HNRNPA2B1: variants seen among roughly 807,000 people sequenced by gnomAD.
The protein encoded by HNRNPA2B1 is heterogeneous nuclear ribonucleoprotein A2/B1, also known as heterogeneous nuclear ribonucleoproteins A2/B1.
HNRNPA2B1 carries 3 observed loss-of-function variants against 46.3 expected under a neutral mutation model. That is an observed-to-expected ratio of 0.06 (90% CI 0.03 to 0.17). The LOEUF (loss-of-function observed/expected upper bound fraction) is 0.17. HNRNPA2B1 is among the 10% of genes least tolerant of loss of function. The probability of loss-of-function intolerance (pLI) is 1.00; values close to 1 mark genes in which losing one functional copy is unlikely to be tolerated. For synonymous variants in HNRNPA2B1, 225 were observed against 133.8 expected, an observed-to-expected ratio of 1.68 and a Z score of -4.70; for missense variants, 221 against 418.9, an observed-to-expected ratio of 0.53 and a Z score of 4.12.
intron 6 of HNRNPA2B1, 103 bp from the exon 7 acceptor site, chr7:26,196,012 C>A: frequency 1.4e-6 from 2 of 1,442,206 alleles, no homozygotes; most frequent in Non-Finnish European, 1.8e-6. Flanking sequence ...TAATTAAGAA[C>A]CGCAGAAAAG....
chr7:26,190,928 T>C lies in HNRNPA2B1; in HGVS notation c.*1432A>G, dbSNP rs1056432862. 1 of 152,612 alleles carries C rather than the reference T, an allele frequency of 6.6e-6. No homozygotes were observed. Among genetic ancestry groups the C allele is most frequent in the Non-Finnish European group, 1.5e-5 (1 of 68,012 alleles). The allele number at this position is 152,612 out of a possible 1,614,324, so 9.5% of individuals were successfully genotyped here. ...AAATGTTTGATCCAAGAAATGTGAATACACAAGGGTGTAACGATGGGAAAT... is the reference window on the plus strand; with the variant it reads ...AAATGTTTGATCCAAGAAATGTGAACACACAAGGGTGTAACGATGGGAAAT... On this transcript the variant is annotated 3_prime_UTR_variant, in exon 11 of 11. Coordinates refer to ENST00000618183, the MANE Select transcript of HNRNPA2B1 (RefSeq NM_002137.4).
chr7:26,195,990 A>T, intron 6 of HNRNPA2B1, 81 bp from the exon 7 acceptor site: 1 of 1,503,504 alleles, frequency 6.7e-7, no homozygotes, highest in Non-Finnish European at 8.9e-7. Flanking sequence ...TTCTCTTACT[A>T]CCTCAGCACA....
intron 1 of HNRNPA2B1, chr7:26,198,457 T>C (rs1584002004): frequency 1.3e-5 from 2 of 152,490 alleles, no homozygotes; most frequent in Non-Finnish European, 2.9e-5. Flanking sequence ...TGGACATGTC[T>C]ATATTTGATA....
At chr7:26,195,136 A>AG (rs1783407450) in intron 7 of HNRNPA2B1, among the ~76,000 whole-genome samples, 1 of 150,384 alleles carries the variant, frequency 6.6e-6, no homozygotes, top group African/African-American at 2.4e-5. Flanking sequence ...AAAAAAAAAA[A>AG]GCTTGTGGGC....
chr7:26,192,621 T>C (rs1249000487), intron 9 of HNRNPA2B1, 44 bp from the exon 10 acceptor site: 11 of 1,514,428 alleles, frequency 7.3e-6, no homozygotes, highest in Non-Finnish European at 1.0e-5. Context: ...TTACTTTGAT[T>C]TCCCATGATC....
chr7:26,192,863 A>C (rs1404978530), intron 9 of HNRNPA2B1, among the ~76,000 whole-genome samples: 1 of 152,168 alleles, frequency 6.6e-6, no homozygotes, highest in African/African-American at 2.4e-5. Context: ...GCCCAAGACA[A>C]AGCTAGTTTA....
At chr7:26,199,111 T>A (rs574352184) in intron 1 of HNRNPA2B1, 2 of 152,562 alleles carry the variant, frequency 1.3e-5, no homozygotes, top group East Asian at 3.9e-4. Context: ...AGGTTATCTC[T>A]AAACTGAAAT....
intron 1 of HNRNPA2B1, 153 bp from the exon 2 acceptor site, chr7:26,197,885 C>A: frequency 1.3e-6 from 2 of 1,563,080 alleles, no homozygotes; most frequent in Non-Finnish European, 1.7e-6. Context: ...AAAAAAAAAA[C>A]TTACATCAAA....
At chr7:26,199,056 TTCA>T (rs1562723739) in intron 1 of HNRNPA2B1, 1 of 152,260 alleles carries the variant, frequency 6.6e-6, no homozygotes, top group Non-Finnish European at 1.5e-5. Context: ...GATAGTTATT[TTCA>T]TTTTTTCAGC....
At chr7:26,195,589 G>A (rs1052244902) in intron 7 of HNRNPA2B1, 5 of 471,796 alleles carry the variant, frequency 1.1e-5, no homozygotes, top group South Asian at 5.1e-5. Flanking sequence ...GATATATCTA[G>A]ATCCAATCAT....
At chr7:26,194,753 G>A (rs902676005) in intron 7 of HNRNPA2B1, among the ~76,000 whole-genome samples, 25 of 150,848 alleles carry the variant, frequency 1.7e-4, no homozygotes, top group Admixed American at 6.6e-4. Flanking sequence ...ATAGAAGTGC[G>A]GACATAAACA....
rs1782812953 is a variant in HNRNPA2B1 at position 26,190,709 on chromosome 7, A to AC, written c.*1650dup. 1 of 152,128 alleles carries AC rather than the reference A, an allele frequency of 6.6e-6. No homozygotes were observed. Among genetic ancestry groups the AC allele is most frequent in the South Asian group, 2.1e-4 (1 of 4,832 alleles). The allele number at this position is 152,128 out of a possible 1,614,324, so 9.4% of individuals were successfully genotyped here. The stretch of plus-strand genomic sequence containing the variant: ...CACTGAACTAGAATTACCACATTTA[A>AC]CCCACCTATTTAGTACTGGATACAT... On this transcript the variant is annotated 3_prime_UTR_variant, in exon 11 of 11. Coordinates refer to ENST00000618183, the MANE Select transcript of HNRNPA2B1 (RefSeq NM_002137.4).
chr7:26,200,303 C>A, intron 1 of HNRNPA2B1: 1 of 527,586 alleles, frequency 1.9e-6, no homozygotes. Flanking sequence ...GCCCCACTTT[C>A]ACCCCAGCGG....
chr7:26,195,116 C>CAAA (rs1783399450), intron 7 of HNRNPA2B1, among the ~76,000 whole-genome samples: 1 of 127,596 alleles, frequency 7.8e-6, no homozygotes. Flanking sequence ...AAAAAGAAAC[C>CAAA]ATATTAAAAA....
rs1468330159 is a variant in HNRNPA2B1, at chr7:26,191,107, T to C, written c.*1253A>G. The stretch of plus-strand genomic sequence containing the variant: ...CAGTCTTTGTGGCAGCAGAATATAC[T>C]TGTCCATGGTTCATATCAATGCTAA... On this transcript the variant is annotated 3_prime_UTR_variant, in exon 11 of 11. Coordinates refer to ENST00000618183, the MANE Select transcript of HNRNPA2B1 (RefSeq NM_002137.4). 1 of 152,066 alleles carries C rather than the reference T, an allele frequency of 6.6e-6. No individual in the cohort carries two copies. Among genetic ancestry groups the C allele is most frequent in the Non-Finnish European group, 1.5e-5 (1 of 67,934 alleles). The allele number at this position is 152,066 out of a possible 1,614,324, so 9.4% of individuals were successfully genotyped here. A position where few individuals can be genotyped will look rare whatever the true frequency, so the allele number is the denominator to read the frequency against.
At chr7:26,197,045 C>A (rs1471260905) in intron 3 of HNRNPA2B1, 28 bp from the exon 4 acceptor site, 2 of 1,550,922 alleles carry the variant, frequency 1.3e-6, no homozygotes, top group Admixed American at 3.5e-5. Context: ...TAAAAGTCAT[C>A]CAAACAGAAA....
In HNRNPA2B1 at chr7:26,197,474, A is replaced by G. The variant is rs201555515; in HGVS notation, c.118-13T>C. ...GATCCCTCATTACCTTTCAAACCAA[A>G]GGGTAAACTTTAGCATTTAATCTCA... is the stretch of plus-strand genomic sequence containing the variant. On this transcript the variant is annotated splice_polypyrimidine_tract_variant and intron_variant, in intron 2 of 10. Coordinates refer to ENST00000618183, the MANE Select transcript of HNRNPA2B1 (RefSeq NM_002137.4). 22 of 1,611,830 alleles carry G rather than the reference A, an allele frequency of 1.4e-5. No homozygotes were observed. In the Admixed American group the frequency reaches 1.8e-4, roughly 14 times the overall value.
At chr7:26,194,558 C>T (rs1258761078) in intron 7 of HNRNPA2B1, among the ~76,000 whole-genome samples, 3 of 151,626 alleles carry the variant, frequency 2.0e-5, no homozygotes, top group South Asian at 2.1e-4. Context: ...CAAAATTAGC[C>T]GGTCATGGTG....
At position 26,191,025 on chromosome 7, in the gene HNRNPA2B1, G is replaced by A. The variant is rs1459601349; in HGVS notation, c.*1335C>T. 1 of 152,552 alleles carries A rather than the reference G, an allele frequency of 6.6e-6. No individual in the cohort carries two copies. The highest frequency in any genetic ancestry group is 1.5e-5 in the Non-Finnish European group (1 of 67,996). 9.4% of individuals were successfully genotyped at this position (152,552 alleles called of 1,614,324 possible). Reference sequence around the variant, plus strand: ...CTACCAACACCACTGAAGGAACCAAGAAAAGCTTTATTAATGATCACTTGG... The same window carrying A: ...CTACCAACACCACTGAAGGAACCAAAAAAAGCTTTATTAATGATCACTTGG... On this transcript the variant is annotated 3_prime_UTR_variant, in exon 11 of 11. Coordinates refer to ENST00000618183, the MANE Select transcript of HNRNPA2B1 (RefSeq NM_002137.4).
Sources: allele counts gnomAD v4.1 joint callset (sites outside exome capture counted in the v4.1 genomes callset), GRCh38; gene constraint gnomAD v4.1.1; transcripts MANE v1.5; gene names NCBI Gene and HGNC (gene_info 2026-07-23, HGNC 2026-07-21).